MYH11: variants seen among roughly 807,000 people sequenced by gnomAD.
MYH11 encodes the protein myosin heavy chain 11, also known as myosin-11.
A neutral mutation model predicts 246.6 loss-of-function variants in MYH11; 80 were observed. The ratio of observed to expected loss-of-function variants is 0.32; its 90% confidence interval spans 0.27 to 0.39. MYH11 has a LOEUF of 0.39. Ranked by LOEUF, MYH11 falls within the 10% of genes least tolerant of loss-of-function variation. The pLI is 1.00. For missense variants in MYH11, 2,158 were observed against 2,546.8 expected (o/e 0.85, Z 3.29); for synonymous variants, 1,071 against 1,015.5 (o/e 1.05, Z -1.04).
At chr16:15,713,532 G>C (rs1449006380) in intron 40 of MYH11, 1 of 152,346 alleles carries the variant, frequency 6.6e-6, no homozygotes, top group East Asian at 1.9e-4. Flanking sequence ...GTCTCACTCT[G>C]TCCATCCAGG....
intron 27 of MYH11, among the ~76,000 whole-genome samples, chr16:15,731,023 A>G (rs1596745770): frequency 6.6e-6 from 1 of 151,962 alleles, no homozygotes; most frequent in African/African-American, 2.4e-5. Context: ...AAAAATCGCT[A>G]TGTTGCCCAG....
rs993441604 is a variant in MYH11 at position 15,721,125 on chromosome 16, G to A, written c.4579-74C>T. On this transcript the variant is annotated intron_variant, in intron 32 of 40. Coordinates refer to ENST00000300036, the MANE Select transcript of MYH11 (RefSeq NM_002474.3). ...GACGATTGAGAAACCCACCGTGAGC[G>A]GCACCTCAGGAGATCAGGGAGGTGG... 38 of 1,517,710 alleles carry A rather than the reference G, an allele frequency of 2.5e-5. 1 individual carries two copies. The East Asian group carries it at 4.3e-4, about 17-fold the overall frequency. 94.0% of individuals were successfully genotyped at this position (1,517,710 alleles called of 1,614,324 possible).
chr16:15,703,563 T>C lies in MYH11; in HGVS notation c.*428A>G, dbSNP rs1299138786. ...CTCTTACATCATACAAACTTCAATT[T>C]TTACCTTGAATACAGGGGTAGTAGG... On this transcript the variant is annotated 3_prime_UTR_variant, in exon 41 of 41. Transcript: ENST00000300036. 3.6e-5 allele frequency: 12 copies of C among 337,212 alleles called. No individual in the cohort carries two copies. In the East Asian group the frequency reaches 5.5e-4, roughly 15 times the overall value. 20.9% of individuals were successfully genotyped at this position (337,212 alleles called of 1,614,324 possible). A position where few individuals can be genotyped will look rare whatever the true frequency, so the allele number is the denominator to read the frequency against.
intron 28 of MYH11, 116 bp downstream of exon 28, chr16:15,726,732 G>C: frequency 8.1e-7 from 1 of 1,235,038 alleles, no homozygotes; most frequent in Non-Finnish European, 1.2e-6. Context: ...AACGCAACTA[G>C]AGGAAAGGAC....
intron 3 of MYH11, among the ~76,000 whole-genome samples, chr16:15,819,020 C>T (rs937596703): frequency 2.0e-5 from 3 of 152,100 alleles, no homozygotes; most frequent in African/African-American, 4.8e-5. Context: ...GCTAGGACTA[C>T]AGACTCACGC....
At chr16:15,725,304 C>A in intron 28 of MYH11, 1 of 571,020 alleles carries the variant, frequency 1.8e-6, no homozygotes, top group Non-Finnish European at 3.1e-6. Flanking sequence ...GATCCTAGAT[C>A]CCTGCCAAGG....
intron 2 of MYH11, among the ~76,000 whole-genome samples, chr16:15,825,691 A>G (rs1363669579): frequency 1.3e-5 from 2 of 152,166 alleles, no homozygotes; most frequent in Non-Finnish European, 2.9e-5. Context: ...CTGGGTGAAT[A>G]GGAGCATCTG....
intron 9 of MYH11, among the ~76,000 whole-genome samples, chr16:15,765,830 A>G (rs893025978): frequency 7.2e-5 from 11 of 152,312 alleles, no homozygotes; most frequent in African/African-American, 2.6e-4. Flanking sequence ...CATAACATCT[A>G]TGAAAGAGTC....
chr16:15,838,494 G>A (rs1453037257), intron 1 of MYH11, among the ~76,000 whole-genome samples: 1 of 152,084 alleles, frequency 6.6e-6, no homozygotes, highest in African/African-American at 2.4e-5. Context: ...CAACCCAAAT[G>A]TCCACCAACA....
intron 36 of MYH11, 116 bp from the exon 37 acceptor site, chr16:15,718,554 G>C: frequency 4.2e-6 from 6 of 1,413,884 alleles, no homozygotes; most frequent in Non-Finnish European, 5.7e-6. Flanking sequence ...GTGAAACTGA[G>C]GCTTGGAGAA....
chr16:15,763,955 G>T, intron 9 of MYH11, 64 bp from the exon 10 acceptor site: 1 of 1,351,944 alleles, frequency 7.4e-7, no homozygotes, highest in Non-Finnish European at 1.1e-6. Context: ...CTGGAGTTTT[G>T]GAGCCTAAAG....
At chr16:15,792,521 T>C (rs2042634330) in intron 4 of MYH11, 1 of 152,198 alleles carries the variant, frequency 6.6e-6, no homozygotes, top group African/African-American at 2.4e-5. Context: ...TATTTTAGAC[T>C]TTGAGGGTCA....
chr16:15,751,601 G>GT (rs1204285661), intron 15 of MYH11, among the ~76,000 whole-genome samples: 3 of 145,740 alleles, frequency 2.1e-5, no homozygotes, highest in African/African-American at 7.7e-5. Flanking sequence ...CAGATTCTGT[G>GT]TAACAATCTT....
intron 27 of MYH11, 99 bp from the exon 28 acceptor site, chr16:15,727,153 A>C: frequency 1.9e-5 from 20 of 1,058,322 alleles, no homozygotes; most frequent in Non-Finnish European, 2.8e-5. Context: ...CCAGGAAGGC[A>C]CACAACAGGG....
At chr16:15,776,027 T>C (rs1038345132) in intron 8 of MYH11, 51 bp downstream of exon 8, 2 of 1,345,352 alleles carry the variant, frequency 1.5e-6, no homozygotes, top group Non-Finnish European at 2.1e-6. Flanking sequence ...CGGATTCTGA[T>C]GAAAGGGAAG....
rs1463494519 is a variant in MYH11, at chr16:15,712,129, G to T, written c.5786+2780C>A. On this transcript the variant is annotated intron_variant, in intron 40 of 40. Coordinates refer to ENST00000300036, the MANE Select transcript of MYH11 (RefSeq NM_002474.3). ...GCAACTTCATCATTTTAGCTGCTGA[G>T]CTGGAGAGAGGAGCCAGTTTGGGGG... Among the ~76,000 whole-genome samples, 6 of 152,226 alleles carry T rather than the reference G, an allele frequency of 3.9e-5. No individual in the cohort carries two copies. In the East Asian group the frequency reaches 1.2e-3, roughly 29 times the overall value.
intron 23 of MYH11, among the ~76,000 whole-genome samples, 162 bp from the exon 24 acceptor site, chr16:15,738,850 T>TC (rs1381762582): frequency 6.6e-6 from 1 of 152,176 alleles, no homozygotes; most frequent in African/African-American, 2.4e-5. Flanking sequence ...CATAACAATT[T>TC]CCAAAAACTG....
chr16:15,798,608 T>G, intron 4 of MYH11, 52 bp downstream of exon 4: 4 of 1,036,156 alleles, frequency 3.9e-6, no homozygotes, highest in South Asian at 1.7e-5. Context: ...GACTACAGAT[T>G]AAAAAAAAAA....
chr16:15,778,426 G>C (rs1440462889), intron 7 of MYH11, among the ~76,000 whole-genome samples: 1 of 152,150 alleles, frequency 6.6e-6, no homozygotes, highest in Non-Finnish European at 1.5e-5. Context: ...CTTTATATGA[G>C]TTCATTCACT....
Sources: gnomAD v4.1 joint callset for allele counts (sites outside exome capture counted in the v4.1 genomes callset) on GRCh38, gnomAD v4.1.1 for gene constraint, MANE v1.5 for transcripts, NCBI Gene and HGNC (gene_info 2026-07-23, HGNC 2026-07-21) for gene names.